Variants in CACNA1E observed in about 807,000 individuals in gnomAD.
The protein encoded by CACNA1E is calcium voltage-gated channel subunit alpha1 E.
In CACNA1E, 40 loss-of-function variants were observed where a neutral mutation model predicts 259.2. That is an observed-to-expected ratio of 0.15 (90% CI 0.12 to 0.20). CACNA1E has a LOEUF of 0.20. Among genes scored for constraint, CACNA1E ranks in the 10% least tolerant of loss-of-function variants. The probability of loss-of-function intolerance (pLI) is 1.00; values close to 1 mark genes in which losing one functional copy is unlikely to be tolerated. For missense variants in CACNA1E, 1,874 were observed against 3,040.1 expected (o/e 0.62, Z 9.02); for synonymous variants, 1,104 against 1,138.5 (o/e 0.97, Z 0.61).
intron 27 of CACNA1E, among the ~76,000 whole-genome samples, chr1:181,754,450 A>G (rs1286459848): frequency 1.3e-5 from 2 of 152,208 alleles, no homozygotes; most frequent in African/African-American, 4.8e-5. Flanking sequence ...AAAAACCTAG[A>G]AAATAACCTG....
intron 1 of CACNA1E, among the ~76,000 whole-genome samples, chr1:181,321,350 C>T (rs1650327261): frequency 6.6e-6 from 1 of 152,170 alleles, no homozygotes; most frequent in South Asian, 2.1e-4. Context: ...GTCCAGTGAG[C>T]TCATGAATCC....
At chr1:181,647,285 G>GTACAA (rs1658361217) in intron 6 of CACNA1E, among the ~76,000 whole-genome samples, 1 of 152,168 alleles carries the variant, frequency 6.6e-6, no homozygotes, top group Non-Finnish European at 1.5e-5. Flanking sequence ...GTTCTCCTGG[G>GTACAA]GCCAGAATCT....
chr1:181,575,396 T>A (rs767748460), intron 3 of CACNA1E, among the ~76,000 whole-genome samples: 15 of 152,226 alleles, frequency 9.9e-5, no homozygotes, highest in Non-Finnish European at 1.9e-4. Flanking sequence ...TTAGCTTTGC[T>A]TTTGTTCTCT....
At chr1:181,567,607 A>G (rs7523030) in intron 3 of CACNA1E, among the ~76,000 whole-genome samples, 57,555 of 152,146 alleles carry the variant, frequency 0.38, 13,477 homozygotes, top group East Asian at 0.68. Context: ...TTGTTGCTTC[A>G]GGTAGCATAA....
chr1:181,637,428 CTCCT>C (rs1558212654), intron 6 of CACNA1E, among the ~76,000 whole-genome samples: 4 of 65,910 alleles, frequency 6.1e-5, no homozygotes, highest in East Asian at 6.6e-4. Flanking sequence ...CCCTCCTTCC[CTCCT>C]TCCCTCCCTC....
intron 3 of CACNA1E, among the ~76,000 whole-genome samples, chr1:181,538,672 A>T (rs1190859872): frequency 6.6e-6 from 1 of 152,100 alleles, no homozygotes; most frequent in East Asian, 1.9e-4. Context: ...TGGGAAAAAA[A>T]AAACACAGAG....
intron 35 of CACNA1E, among the ~76,000 whole-genome samples, chr1:181,770,568 CGACTTTCTCCATCCTATTGGCCT>C (rs1558369861): frequency 6.6e-6 from 1 of 152,142 alleles, no homozygotes; most frequent in East Asian, 1.9e-4. Flanking sequence ...CCAGTTGGCC[CGACTTTCTCCATCCTATTGGCCT>C]GGACTTCATT....
intron 1 of CACNA1E, among the ~76,000 whole-genome samples, chr1:181,487,406 T>G (rs1295752338): frequency 7.9e-5 from 12 of 152,196 alleles, no homozygotes; most frequent in Admixed American, 7.9e-4. Context: ...ATGCTCAAGA[T>G]AACCCAGATT....
intron 7 of CACNA1E, among the ~76,000 whole-genome samples, chr1:181,693,084 G>A (rs553761175): frequency 1.2e-4 from 15 of 129,082 alleles, no homozygotes; most frequent in South Asian, 8.2e-4. Context: ...AATCAAAACC[G>A]CAATGAGATA....
chr1:181,619,910 A>T (rs1655575708), intron 6 of CACNA1E, among the ~76,000 whole-genome samples: 1 of 152,016 alleles, frequency 6.6e-6, no homozygotes. Flanking sequence ...AGGATCAGGA[A>T]CTCAGGTTTA....
intron 1 of CACNA1E, among the ~76,000 whole-genome samples, chr1:181,336,405 T>C (rs1356065271): frequency 2.0e-5 from 3 of 152,236 alleles, no homozygotes; most frequent in Non-Finnish European, 2.9e-5. Flanking sequence ...TTGTGGATGA[T>C]GAAACTGAGG....
chr1:181,806,802 C>T lies in CACNA1E; in HGVS notation c.*7968C>T, dbSNP rs1476774153. On this transcript the variant is annotated 3_prime_UTR_variant, in exon 48 of 48. Transcript: ENST00000367573. Reference sequence around the variant, plus strand: ...GTAAAGAATGCATCGGCCTGATTTCCCTCACTTGATGTGTTTCTTTGCTGC... The same window carrying T: ...GTAAAGAATGCATCGGCCTGATTTCTCTCACTTGATGTGTTTCTTTGCTGC... 6.6e-6 allele frequency: 1 copy of T among 152,076 alleles called. No homozygotes were observed. The highest frequency in any genetic ancestry group is 2.4e-5 in the African/African-American group (1 of 41,400). The allele number at this position is 152,076 out of a possible 1,614,324, so 9.4% of individuals were successfully genotyped here. A position where few individuals can be genotyped will look rare whatever the true frequency, so the allele number is the denominator to read the frequency against.
intron 7 of CACNA1E, among the ~76,000 whole-genome samples, chr1:181,702,827 C>T (rs1163379659): frequency 6.6e-6 from 1 of 152,210 alleles, no homozygotes; most frequent in African/African-American, 2.4e-5. Context: ...AGCTCCCCGA[C>T]ACCCAATACT....
intron 43 of CACNA1E, among the ~76,000 whole-genome samples, chr1:181,787,522 A>C (rs1022998681): frequency 2.0e-5 from 3 of 152,326 alleles, no homozygotes; most frequent in Middle Eastern, 3.4e-3. Flanking sequence ...TCTTTTCTCC[A>C]TGTATTTATT....
intron 3 of CACNA1E, among the ~76,000 whole-genome samples, chr1:181,545,557 C>T (rs1472756144): frequency 1.3e-5 from 2 of 152,136 alleles, no homozygotes; most frequent in African/African-American, 4.8e-5. Context: ...GTGGTCTTGA[C>T]TACTCCTGGC....
In CACNA1E at chr1:181,617,282, A is replaced by ATT. The variant is rs144648847; in HGVS notation, c.952-34045_952-34044dup. 2.8e-5 allele frequency among the ~76,000 whole-genome samples: 4 copies of ATT among 144,054 alleles called. 1 individual carries two copies. Among genetic ancestry groups the ATT allele is most frequent in the Non-Finnish European group, 3.1e-5 (2 of 65,500 alleles). 94.5% of individuals were successfully genotyped at this position (144,054 alleles called of 152,430 possible). A position where few individuals can be genotyped will look rare whatever the true frequency, so the allele number is the denominator to read the frequency against. ...TTAAGGTGTATTTCTTATGAGCAGC[A>ATT]TTTTTTTTTTTTCCTAGTGGGAGTT... On this transcript the variant is annotated intron_variant, in intron 6 of 47. Coordinates refer to ENST00000367573, the MANE Select transcript of CACNA1E (RefSeq NM_001205293.3).
intron 7 of CACNA1E, among the ~76,000 whole-genome samples, chr1:181,701,567 T>C (rs1652262356): frequency 6.6e-6 from 1 of 152,196 alleles, no homozygotes; most frequent in African/African-American, 2.4e-5. Context: ...TGTGCTACAA[T>C]GAGGTGGCGC....
intron 3 of CACNA1E, among the ~76,000 whole-genome samples, chr1:181,575,226 C>G (rs1454165554): frequency 1.3e-5 from 2 of 152,134 alleles, no homozygotes; most frequent in African/African-American, 4.8e-5. Flanking sequence ...CAGGACAGCA[C>G]AAGGCCACAG....
In CACNA1E at chr1:181,785,838, T is replaced by C; in HGVS notation, c.5786+19T>C. On this transcript the variant is annotated intron_variant, in intron 43 of 47. Coordinates refer to ENST00000367573, the MANE Select transcript of CACNA1E (RefSeq NM_001205293.3). Reference sequence around the variant, plus strand: ...CAGGCCTGTGAGTAGCACCAAAACATCCCTGGCATGGCTGTTTGCAATCTG... The same window carrying C: ...CAGGCCTGTGAGTAGCACCAAAACACCCCTGGCATGGCTGTTTGCAATCTG... The C allele has an allele frequency of 2.7e-6, 4 of 1,501,890 alleles. No individual in the cohort carries two copies. Among genetic ancestry groups the C allele is most frequent in the Non-Finnish European group, 3.7e-6 (4 of 1,090,836 alleles). 93.0% of individuals were successfully genotyped at this position (1,501,890 alleles called of 1,614,324 possible).
Sources: allele counts gnomAD v4.1 joint callset (sites outside exome capture counted in the v4.1 genomes callset), GRCh38; gene constraint gnomAD v4.1.1; transcripts MANE v1.5; gene names NCBI Gene and HGNC (gene_info 2026-07-23, HGNC 2026-07-21).